GSTM5: variants seen among roughly 807,000 people sequenced by gnomAD.
The protein encoded by GSTM5 is GST class-mu 5.
GSTM5 carries 24 observed loss-of-function variants against 29.0 expected under a neutral mutation model. That is an observed-to-expected ratio of 0.83 (90% CI 0.60 to 1.16). GSTM5 has a LOEUF of 1.16. Ranked by LOEUF, GSTM5 falls within the 50% of genes most tolerant of loss-of-function variation. GSTM5 has a pLI of 0.00. For synonymous variants in GSTM5, 91 were observed against 93.6 expected, an observed-to-expected ratio of 0.97 and a Z score of 0.16; for missense variants, 290 against 263.0, an observed-to-expected ratio of 1.10 and a Z score of -0.71.
intron 6 of GSTM5, 43 bp downstream of exon 6, chr1:109,715,085 A>G: frequency 6.2e-7 from 1 of 1,614,018 alleles, no homozygotes; most frequent in Non-Finnish European, 8.5e-7. Flanking sequence ...GTTTTACTTC[A>G]TGTGTTTCGG....
chr1:109,711,767 T>C (rs1197273471), upstream of GSTM5, among the ~76,000 whole-genome samples: 1 of 151,108 alleles, frequency 6.6e-6, no homozygotes, highest in African/African-American at 2.4e-5. Context: ...GCCCTCGGAG[T>C]AGCTTTCGGA....
rs1648544731 is a variant in GSTM5, at chr1:109,712,292, G to C, written c.-21G>C. On this transcript the variant is annotated 5_prime_UTR_variant, in exon 1 of 8. Transcript: ENST00000256593. Reference sequence around the variant, plus strand: ...CCCGCTCCGCTGATGCCTGTCTGCAGAATCCGCACCAACCAGCACCATGCC... The same window carrying C: ...CCCGCTCCGCTGATGCCTGTCTGCACAATCCGCACCAACCAGCACCATGCC... 1 of 1,613,950 alleles carries C rather than the reference G, an allele frequency of 6.2e-7. No individual in the cohort carries two copies. The highest frequency in any genetic ancestry group is 1.3e-5 in the African/African-American group (1 of 74,934).
chr1:109,714,805 A>C, intron 5 of GSTM5, 142 bp from the exon 6 acceptor site: 1 of 766,642 alleles, frequency 1.3e-6, no homozygotes, highest in Admixed American at 2.0e-5. Flanking sequence ...ATCCAATTGA[A>C]GCCTGGGCAC....
intron 3 of GSTM5, 28 bp from the exon 4 acceptor site, chr1:109,713,456 G>A (rs1272411155): frequency 4.3e-6 from 7 of 1,614,082 alleles, no homozygotes; most frequent in Non-Finnish European, 5.9e-6. Flanking sequence ...TGGCCCAACT[G>A]AGCTTCCCCG....
intron 6 of GSTM5, 44 bp downstream of exon 6, chr1:109,715,086 T>C (rs774532348): frequency 1.2e-6 from 2 of 1,614,138 alleles, no homozygotes; most frequent in Non-Finnish European, 1.7e-6. Context: ...TTTTACTTCA[T>C]GTGTTTCGGG....
In GSTM5 at chr1:109,715,019, C is replaced by A; in HGVS notation, c.433C>A (p.Arg145=). ...GCTCTACTCAGAGTTTCTGGGGAAG[C>A]GGCCATGGTTTGCAGGAGACAAGGT... ...LKLYSEFLGK[R]PWFAGDKITF... Residue 145 remains arginine (R), a synonymous_variant, in exon 6 of 8, where the codon CGG becomes AGG. Transcript: ENST00000256593. The A allele has an allele frequency of 6.2e-7, 1 of 1,614,210 alleles. No homozygotes were observed. The highest frequency in any genetic ancestry group is 8.5e-7 in the Non-Finnish European group (1 of 1,180,034).
chr1:109,715,342 A>G, intron 7 of GSTM5, 102 bp downstream of exon 7: 2 of 1,610,156 alleles, frequency 1.2e-6, no homozygotes, highest in Middle Eastern at 1.7e-4. Context: ...ACTCGTATGT[A>G]TTGAGTACGG....
At chr1:109,711,938 G>A (rs1395140693), upstream of GSTM5, among the ~76,000 whole-genome samples, 3 of 145,802 alleles carry the variant, frequency 2.1e-5, no homozygotes, top group Non-Finnish European at 4.6e-5. Context: ...GGAGGAGAAG[G>A]GAGAAGAGCT....
chr1:109,713,853 C>G (rs559886740), intron 5 of GSTM5, 92 bp downstream of exon 5: 1 of 995,060 alleles, frequency 1.0e-6, no homozygotes, highest in Non-Finnish European at 1.6e-6. Flanking sequence ...GTAGCAGACT[C>G]CGGCCAGCTG....
intron 7 of GSTM5, chr1:109,716,353 G>A (rs1227587693): frequency 1.9e-5 from 3 of 160,032 alleles, no homozygotes. Flanking sequence ...TTATGTAAGA[G>A]GTGGTGGGAG....
intron 7 of GSTM5, chr1:109,716,521 T>G (rs985593058): frequency 1.3e-5 from 2 of 152,882 alleles, no homozygotes; most frequent in South Asian, 2.1e-4. Context: ...CTGAGTGTCA[T>G]GTGGCCTGGC....
chr1:109,713,954 C>G (rs1330081708), intron 5 of GSTM5, 193 bp downstream of exon 5: 1 of 456,942 alleles, frequency 2.2e-6, no homozygotes, highest in Non-Finnish European at 4.0e-6. Flanking sequence ...GAGAACCAGA[C>G]CACGGACAAC....
intron 5 of GSTM5, 29 bp downstream of exon 5, chr1:109,713,790 C>A (rs376252099): frequency 3.8e-6 from 6 of 1,593,160 alleles, no homozygotes; most frequent in Admixed American, 1.7e-5. Context: ...TCCCAGTCAC[C>A]CATTTCCCTG....
chr1:109,714,658 G>A, intron 5 of GSTM5: 1 of 469,136 alleles, frequency 2.1e-6, no homozygotes, highest in Non-Finnish European at 3.9e-6. Context: ...TCCAGAGGCT[G>A]CCAGGTGCTC....
Position 109,712,272 on chromosome 1 carries a change from T to C in GSTM5, c.-41T>C. 6.2e-7 allele frequency: 1 copy of C among 1,612,710 alleles called. No individual in the cohort carries two copies. Among genetic ancestry groups the C allele is most frequent in the Non-Finnish European group, 8.5e-7 (1 of 1,178,848 alleles). On this transcript the variant is annotated 5_prime_UTR_variant, in exon 1 of 8. Coordinates refer to ENST00000256593, the MANE Select transcript of GSTM5 (RefSeq NM_000851.4). ...GGGCCTCTCAAAGTCTGAGCCCCGC[T>C]CCGCTGATGCCTGTCTGCAGAATCC...
chr1:109,713,970 G>A (rs530973806), intron 5 of GSTM5: 89 of 437,384 alleles, frequency 2.0e-4, no homozygotes, highest in Non-Finnish European at 3.4e-4. Flanking sequence ...ACAACTGGAT[G>A]CAACTGGTCA....
At chr1:109,715,938 C>T (rs189863370) in intron 7 of GSTM5, 10 of 850,276 alleles carry the variant, frequency 1.2e-5, no homozygotes, top group Admixed American at 3.9e-5. Context: ...CGTCTTCCCC[C>T]TGTGAGATGA....
chr1:109,714,869 C>T, intron 5 of GSTM5, 78 bp from the exon 6 acceptor site: 1 of 1,402,110 alleles, frequency 7.1e-7, no homozygotes, highest in Non-Finnish European at 1.0e-6. Context: ...CCAGCCTGGG[C>T]CATCTACAGC....
intron 1 of GSTM5, 52 bp downstream of exon 1, chr1:109,712,400 T>C (rs372996817): frequency 2.5e-6 from 4 of 1,585,328 alleles, no homozygotes; most frequent in South Asian, 1.1e-5. Flanking sequence ...CGGGGATGTG[T>C]GGAGTAGCTG....
Sources: gnomAD v4.1 joint callset for allele counts (sites outside exome capture counted in the v4.1 genomes callset) on GRCh38, gnomAD v4.1.1 for gene constraint, MANE v1.5 for transcripts, NCBI Gene and HGNC (gene_info 2026-07-23, HGNC 2026-07-21) for gene names.